CDH4: variants seen among roughly 807,000 people sequenced by gnomAD.
CDH4 encodes the protein cadherin 4, also known as cadherin-4.
A neutral mutation model predicts 86.0 loss-of-function variants in CDH4; 33 were observed. The ratio of observed to expected loss-of-function variants is 0.38; its 90% CI spans 0.29 to 0.51. The LOEUF (loss-of-function observed/expected upper bound fraction) is 0.51, where lower values mean the gene tolerates loss of function less well. CDH4 is among the 20% of genes least tolerant of loss of function. The pLI is 0.86. For missense variants in CDH4, 1,114 were observed against 1,307.4 expected, an observed-to-expected ratio of 0.85 and a Z score of 2.28; for synonymous variants, 555 against 549.4, an observed-to-expected ratio of 1.01 and a Z score of -0.14.
chr20:61,600,512 A>T (rs2207544), intron 2 of CDH4, among the ~76,000 whole-genome samples: 146,178 of 152,278 alleles, frequency 0.96, 70,228 homozygotes, highest in East Asian at 1. Context: ...GTGGCGGGAC[A>T]GCGGTGAGAA....
chr20:61,328,356 T>C (rs1206219164), intron 2 of CDH4, among the ~76,000 whole-genome samples: 4 of 152,130 alleles, frequency 2.6e-5, no homozygotes, highest in Non-Finnish European at 1.5e-5. Flanking sequence ...TTTGTATTTT[T>C]AGTAGAGATG....
At chr20:61,851,715 C>T (rs970862277) in intron 5 of CDH4, among the ~76,000 whole-genome samples, 1 of 152,216 alleles carries the variant, frequency 6.6e-6, no homozygotes, top group Non-Finnish European at 1.5e-5. Flanking sequence ...GCAGCCCCCT[C>T]GCCTGCCGGC....
intron 7 of CDH4, among the ~76,000 whole-genome samples, chr20:61,876,429 A>G (rs917122654): frequency 7.9e-5 from 12 of 152,216 alleles, no homozygotes; most frequent in Non-Finnish European, 1.6e-4. Flanking sequence ...GCAACGTCCA[A>G]TTGGAGAGGC....
chr20:61,644,653 A>T (rs1457189978), intron 2 of CDH4, among the ~76,000 whole-genome samples: 1 of 152,178 alleles, frequency 6.6e-6, no homozygotes, highest in Admixed American at 6.5e-5. Flanking sequence ...TGCCTCCACA[A>T]CCAGGGCAAA....
At chr20:61,371,988 G>A (rs4925189) in intron 2 of CDH4, among the ~76,000 whole-genome samples, 111,689 of 152,130 alleles carry the variant, frequency 0.73, 41,719 homozygotes, top group East Asian at 0.99. Flanking sequence ...CGGGCAGGCC[G>A]CTTGTGTTTG....
At chr20:61,772,364 G>T (rs1477770760) in intron 3 of CDH4, among the ~76,000 whole-genome samples, 1 of 152,180 alleles carries the variant, frequency 6.6e-6, no homozygotes, top group Non-Finnish European at 1.5e-5. Context: ...TTGTCAATCT[G>T]ACAGGTAAAA....
In CDH4 at chr20:61,705,781, G is replaced by A. The variant is rs529425340; in HGVS notation, c.170-37782G>A. On this transcript the variant is annotated intron_variant, in intron 2 of 15. Transcript: ENST00000614565. The stretch of plus-strand genomic sequence containing the variant: ...CAGTGATGTTTTAAATGTGGTGGAT[G>A]CCTGCAGAATCGCCGACAGGCTCCA... 3.2e-4 allele frequency among the ~76,000 whole-genome samples: 49 copies of A among 152,398 alleles called. No homozygotes were observed. In the South Asian group the frequency reaches 8.3e-3, roughly 26 times the overall value.
chr20:61,871,332 C>T (rs540899213), intron 6 of CDH4, among the ~76,000 whole-genome samples: 1 of 152,310 alleles, frequency 6.6e-6, no homozygotes, highest in South Asian at 2.1e-4. Flanking sequence ...TTCCATCGTT[C>T]CTGTTGAGAA....
chr20:61,809,846 G>C (rs1046376108), intron 4 of CDH4, among the ~76,000 whole-genome samples: 1 of 152,214 alleles, frequency 6.6e-6, no homozygotes, highest in Non-Finnish European at 1.5e-5. Flanking sequence ...TGAGGACGGT[G>C]AGGTCGGAGC....
chr20:61,624,396 T>C (rs1343910809), intron 2 of CDH4, among the ~76,000 whole-genome samples: 1 of 152,214 alleles, frequency 6.6e-6, no homozygotes, highest in Non-Finnish European at 1.5e-5. Context: ...AGTCAGGGCT[T>C]GTTGGTCACT....
chr20:61,287,349 C>A (rs545621355), intron 2 of CDH4, among the ~76,000 whole-genome samples: 128 of 152,226 alleles, frequency 8.4e-4, no homozygotes, highest in African/African-American at 2.9e-3. Context: ...GTGGTGCACA[C>A]CTGTAATCCC....
chr20:61,296,770 G>A (rs758984292), intron 2 of CDH4, among the ~76,000 whole-genome samples: 2 of 152,194 alleles, frequency 1.3e-5, no homozygotes, highest in Non-Finnish European at 2.9e-5. Context: ...AGGCATGGCC[G>A]AAGGTCCCTG....
At chr20:61,920,035 TTGTG>T (rs1488315335) in intron 9 of CDH4, among the ~76,000 whole-genome samples, 1 of 140,296 alleles carries the variant, frequency 7.1e-6, no homozygotes, top group Non-Finnish European at 1.5e-5. Flanking sequence ...CGTGTCGTGA[TTGTG>T]TGGAAGCATG....
At chr20:61,273,978 G>T (rs1031632955) in intron 2 of CDH4, among the ~76,000 whole-genome samples, 2 of 142,464 alleles carry the variant, frequency 1.4e-5, no homozygotes, top group African/African-American at 5.3e-5. Flanking sequence ...GTTTTGGGGG[G>T]TACCATGCAC....
At chr20:61,935,662 G>A (rs4925322) in intron 15 of CDH4, among the ~76,000 whole-genome samples, 32,012 of 151,802 alleles carry the variant, frequency 0.21, 3,769 homozygotes, top group East Asian at 0.37. Flanking sequence ...ATGGCAGGTG[G>A]ATCACCTGAG....
At chr20:61,714,810 C>A (rs1034016551) in intron 2 of CDH4, among the ~76,000 whole-genome samples, 9 of 152,152 alleles carry the variant, frequency 5.9e-5, no homozygotes, top group African/African-American at 2.2e-4. Flanking sequence ...TACTCATTGG[C>A]TGATGGGCAC....
At chr20:61,540,377 G>A (rs964126487) in intron 2 of CDH4, among the ~76,000 whole-genome samples, 4 of 152,146 alleles carry the variant, frequency 2.6e-5, no homozygotes, top group Admixed American at 6.5e-5. Context: ...TGACGGCACC[G>A]GAAGCCATGT....
chr20:61,630,318 C>T (rs1475494662), intron 2 of CDH4, among the ~76,000 whole-genome samples: 1 of 152,232 alleles, frequency 6.6e-6, no homozygotes, highest in Non-Finnish European at 1.5e-5. Context: ...CTTGAAGAGT[C>T]TGCCTGGGCG....
At chr20:61,611,838 G>A (rs1180700783) in intron 2 of CDH4, among the ~76,000 whole-genome samples, 1 of 152,042 alleles carries the variant, frequency 6.6e-6, no homozygotes, top group East Asian at 1.9e-4. Context: ...CCACGTCTTG[G>A]GCTCCACCAG....
Sources: gnomAD v4.1 joint callset for allele counts (sites outside exome capture counted in the v4.1 genomes callset) on GRCh38, gnomAD v4.1.1 for gene constraint, MANE v1.5 for transcripts, NCBI Gene and HGNC (gene_info 2026-07-23, HGNC 2026-07-21) for gene names.